BANK1: variants seen among roughly 807,000 people sequenced by gnomAD.
The protein encoded by BANK1 is B-cell scaffold protein with ankyrin repeats.
BANK1 carries 95 observed loss-of-function variants against 94.5 expected under a neutral mutation model. The ratio of observed to expected loss-of-function variants is 1.00; its 90% CI spans 0.85 to 1.19. The LOEUF (loss-of-function observed/expected upper bound fraction) is 1.19. Among genes scored for constraint, BANK1 ranks in the 50% most tolerant of loss-of-function variants. The pLI, the probability that BANK1 is intolerant of heterozygous loss-of-function variation, is 0.00. For missense variants in BANK1, 987 were observed against 932.2 expected (o/e 1.06, Z -0.77); for synonymous variants, 334 against 308.4 (o/e 1.08, Z -0.87).
At chr4:101,970,605 C>A (rs138916328) in intron 7 of BANK1, among the ~76,000 whole-genome samples, 1 of 152,014 alleles carries the variant, frequency 6.6e-6, no homozygotes, top group Non-Finnish European at 1.5e-5. Flanking sequence ...TTAGGAAAGT[C>A]GTGTTAGCCT....
At chr4:102,030,382 T>C in intron 10 of BANK1, 117 bp downstream of exon 10, 8 of 1,077,756 alleles carry the variant, frequency 7.4e-6, no homozygotes, top group Non-Finnish European at 1.0e-5. Flanking sequence ...GTAAACATTT[T>C]TTTTCAAGTC....
intron 2 of BANK1, among the ~76,000 whole-genome samples, chr4:101,843,819 G>C (rs944554875): frequency 1.3e-5 from 2 of 152,116 alleles, no homozygotes; most frequent in Non-Finnish European, 2.9e-5. Context: ...CTACTTGGGA[G>C]GCTAAGGCAG....
At chr4:101,997,505 G>C (rs904261286) in intron 7 of BANK1, among the ~76,000 whole-genome samples, 1 of 151,954 alleles carries the variant, frequency 6.6e-6, no homozygotes, top group Admixed American at 6.6e-5. Context: ...GGAAGGAATG[G>C]TACCAGCTCC....
intron 7 of BANK1, among the ~76,000 whole-genome samples, chr4:101,965,053 A>T (rs555204998): frequency 9.3e-5 from 14 of 151,322 alleles, no homozygotes; most frequent in Admixed American, 2.0e-4. Context: ...ACTGAGAATG[A>T]TGATTTCCAA....
At chr4:101,921,598 C>T (rs556371340) in intron 7 of BANK1, among the ~76,000 whole-genome samples, 1 of 151,978 alleles carries the variant, frequency 6.6e-6, no homozygotes, top group South Asian at 2.1e-4. Context: ...CATTCCCATC[C>T]GTTTAGAACC....
chr4:101,851,662 A>C (rs1228639511), intron 2 of BANK1, among the ~76,000 whole-genome samples: 1 of 152,180 alleles, frequency 6.6e-6, no homozygotes, highest in East Asian at 1.9e-4. Flanking sequence ...GCAGAGAGCC[A>C]AGCCTACACA....
At chr4:102,058,214 T>C (rs928339229) in intron 11 of BANK1, among the ~76,000 whole-genome samples, 4 of 152,132 alleles carry the variant, frequency 2.6e-5, no homozygotes, top group Non-Finnish European at 5.9e-5. Flanking sequence ...ATTTACATTC[T>C]TACCTACTCT....
intron 7 of BANK1, among the ~76,000 whole-genome samples, chr4:102,010,798 T>C (rs1440157115): frequency 6.6e-6 from 1 of 152,252 alleles, no homozygotes; most frequent in Non-Finnish European, 1.5e-5. Context: ...TAGTTCATGT[T>C]ATTCATTCAC....
At chr4:101,816,458 T>G (rs1267524935) in intron 1 of BANK1, among the ~76,000 whole-genome samples, 2 of 152,192 alleles carry the variant, frequency 1.3e-5, no homozygotes, top group African/African-American at 4.8e-5. Context: ...ACTGGAAGAA[T>G]TTCCTTTCAC....
At chr4:101,848,681 A>G (rs1424019053) in intron 2 of BANK1, among the ~76,000 whole-genome samples, 5 of 152,266 alleles carry the variant, frequency 3.3e-5, no homozygotes, top group Non-Finnish European at 5.9e-5. Context: ...TTCATGCTTT[A>G]TTATTTAATT....
In BANK1 at chr4:102,060,525, A is replaced by C. The variant is rs558520928; in HGVS notation, c.2148+136A>C. On this transcript the variant is annotated intron_variant, in intron 12 of 16. Coordinates refer to ENST00000322953, the MANE Select transcript of BANK1 (RefSeq NM_017935.5). ...AGCCACTAAGGAAGATACTTCAAGA[A>C]ATCAAATAATGTTTGAAAATATCCA... 26 of 952,670 alleles carry C rather than the reference A, an allele frequency of 2.7e-5. No individual in the cohort carries two copies. The South Asian group carries it at 4.2e-4, about 15-fold the overall frequency. 59.0% of individuals were successfully genotyped at this position (952,670 alleles called of 1,614,324 possible).
chr4:102,021,865 A>G (rs1036517229), intron 8 of BANK1, among the ~76,000 whole-genome samples: 1 of 152,060 alleles, frequency 6.6e-6, no homozygotes, highest in Non-Finnish European at 1.5e-5. Context: ...TATGTGGACT[A>G]TTTGACAACT....
At chr4:101,819,078 TATC>T (rs1197076553) in intron 1 of BANK1, among the ~76,000 whole-genome samples, 5 of 151,842 alleles carry the variant, frequency 3.3e-5, no homozygotes, top group Non-Finnish European at 7.4e-5. Flanking sequence ...CTGGAATCAT[TATC>T]ATATATATAC....
intron 7 of BANK1, among the ~76,000 whole-genome samples, chr4:101,943,708 T>C (rs1362234887): frequency 1.3e-5 from 2 of 151,700 alleles, no homozygotes; most frequent in African/African-American, 4.8e-5. Context: ...ATAGTAGAGA[T>C]AGTGGGAATG....
rs566774689 is a variant in BANK1 at position 101,969,600 on chromosome 4, A to AT, written c.1206+51411_1206+51412insT. On this transcript the variant is annotated intron_variant, in intron 7 of 16. Transcript: ENST00000322953. Reference sequence around the variant, plus strand: ...CTAAAAGTTTCTTTGTAAAAAAAAAAGTTTACTGAGGAAAATATTTATTTG... The same window carrying AT: ...CTAAAAGTTTCTTTGTAAAAAAAAAATGTTTACTGAGGAAAATATTTATTTG... Among the ~76,000 whole-genome samples the AT allele has an allele frequency of 2.1e-4, 32 of 152,238 alleles. No homozygotes were observed. In the East Asian group the frequency reaches 5.2e-3, roughly 25 times the overall value.
intron 7 of BANK1, among the ~76,000 whole-genome samples, chr4:102,003,797 A>T (rs1246376161): frequency 6.6e-6 from 1 of 151,964 alleles, no homozygotes; most frequent in African/African-American, 2.4e-5. Context: ...TAAATATGTA[A>T]ATATATATTT....
intron 6 of BANK1, among the ~76,000 whole-genome samples, chr4:101,895,689 A>G (rs1482282888): frequency 6.6e-6 from 1 of 151,960 alleles, no homozygotes; most frequent in Non-Finnish European, 1.5e-5. Flanking sequence ...AACTTCATTT[A>G]GGATAGAAAT....
At chr4:101,806,769 A>C (rs548610691) in intron 1 of BANK1, among the ~76,000 whole-genome samples, 1 of 152,278 alleles carries the variant, frequency 6.6e-6, no homozygotes, top group South Asian at 2.1e-4. Flanking sequence ...AGGCCCCATA[A>C]TCTTATGCAG....
chr4:101,958,497 T>C (rs1034385896), intron 7 of BANK1, among the ~76,000 whole-genome samples: 4 of 150,364 alleles, frequency 2.7e-5, no homozygotes, highest in Admixed American at 1.3e-4. Context: ...AAAATATTTC[T>C]TGCTGTTTGT....
Sources: gnomAD v4.1 joint callset for allele counts (sites outside exome capture counted in the v4.1 genomes callset) on GRCh38, gnomAD v4.1.1 for gene constraint, MANE v1.5 for transcripts, NCBI Gene and HGNC (gene_info 2026-07-23, HGNC 2026-07-21) for gene names.